NPHP4: variants seen among roughly 807,000 people sequenced by gnomAD.
The protein encoded by NPHP4 is nephrocystin-4.
In NPHP4, 151 loss-of-function variants were observed where a neutral mutation model predicts 155.8. The ratio of observed to expected loss-of-function variants is 0.97; its 90% CI spans 0.85 to 1.11. The LOEUF (loss-of-function observed/expected upper bound fraction) is 1.11, where lower values mean the gene tolerates loss of function less well. Among genes scored for constraint, NPHP4 ranks in the 50% least tolerant of loss-of-function variants. NPHP4 has a pLI of 0.00. For synonymous variants in NPHP4, 845 were observed against 816.8 expected (o/e 1.03, Z -0.59); for missense variants, 1,956 against 1,925.7 (o/e 1.02, Z -0.29).
chr1:5,951,890 C>T (rs1452316794), intron 7 of NPHP4, among the ~76,000 whole-genome samples: 1 of 152,212 alleles, frequency 6.6e-6, no homozygotes, highest in Non-Finnish European at 1.5e-5. Flanking sequence ...GCCAGAGCAT[C>T]GCTGGGACGG....
chr1:5,886,168 G>T (rs1014892149), intron 18 of NPHP4, among the ~76,000 whole-genome samples: 1 of 152,204 alleles, frequency 6.6e-6, no homozygotes, highest in South Asian at 2.1e-4. Context: ...TCCCTTAGTT[G>T]CATGAGCCTT....
Position 5,932,046 on chromosome 1 carries a change from C to A in NPHP4, c.1302+1101G>T, listed in dbSNP as rs145350166. ...CTATGATCGTGCCACGCACTCCAGC[C>A]AGGGCAACAGAGTAAGACCCTGTCT... is the stretch of plus-strand genomic sequence containing the variant. On this transcript the variant is annotated intron_variant, in intron 10 of 29. Transcript: ENST00000378156. Among the ~76,000 whole-genome samples the A allele has an allele frequency of 1.6e-4, 24 of 151,692 alleles. No individual in the cohort carries two copies. In the East Asian group the frequency reaches 4.3e-3, roughly 27 times the overall value.
At chr1:5,872,565 C>T (rs928859448) in intron 23 of NPHP4, among the ~76,000 whole-genome samples, 5 of 152,174 alleles carry the variant, frequency 3.3e-5, no homozygotes, top group Admixed American at 6.5e-5. Context: ...TGATGGGGCC[C>T]GGTGGACACA....
intron 2 of NPHP4, among the ~76,000 whole-genome samples, chr1:5,980,615 G>A (rs963765970): frequency 2.6e-5 from 4 of 152,164 alleles, no homozygotes; most frequent in African/African-American, 7.2e-5. Flanking sequence ...GGGGCAGGGA[G>A]GGTGACAGGA....
intron 5 of NPHP4, among the ~76,000 whole-genome samples, chr1:5,966,587 T>A (rs1158189888): frequency 6.6e-6 from 1 of 151,962 alleles, no homozygotes; most frequent in Non-Finnish European, 1.5e-5. Flanking sequence ...ACACATGACA[T>A]CCCCTTCGAG....
chr1:5,870,965 T>C (rs1224845220), intron 23 of NPHP4, among the ~76,000 whole-genome samples: 2 of 152,206 alleles, frequency 1.3e-5, no homozygotes, highest in African/African-American at 4.8e-5. Flanking sequence ...ATGGGGCCTG[T>C]GATGACAGAA....
At chr1:5,925,101 T>A (rs1645928998) in intron 11 of NPHP4, among the ~76,000 whole-genome samples, 1 of 152,242 alleles carries the variant, frequency 6.6e-6, no homozygotes. Context: ...CTACTGTACT[T>A]CTAAGTAACT....
intron 2 of NPHP4, among the ~76,000 whole-genome samples, chr1:5,981,519 C>A (rs1293947710): frequency 6.6e-6 from 1 of 152,096 alleles, no homozygotes; most frequent in Non-Finnish European, 1.5e-5. Context: ...ATACTAAAAT[C>A]ATTAATAAAG....
chr1:5,964,885 ATAC>A (rs1216801347), intron 5 of NPHP4, among the ~76,000 whole-genome samples: 28 of 142,102 alleles, frequency 2.0e-4, no homozygotes, highest in African/African-American at 7.0e-4. Flanking sequence ...ACATATAAAT[ATAC>A]TATATATAAA....
chr1:5,872,755 C>T (rs2100586269), intron 23 of NPHP4, among the ~76,000 whole-genome samples: 1 of 152,360 alleles, frequency 6.6e-6, no homozygotes, highest in African/African-American at 2.4e-5. Context: ...TAAAAAACAA[C>T]CTTCAGAAAC....
At chr1:5,915,698 C>T (rs949117431) in intron 11 of NPHP4, among the ~76,000 whole-genome samples, 1 of 152,106 alleles carries the variant, frequency 6.6e-6, no homozygotes, top group South Asian at 2.1e-4. Flanking sequence ...CTTGCCAGAG[C>T]CCTGAGCTGG....
chr1:5,933,437 G>A, intron 9 of NPHP4, 108 bp from the exon 10 acceptor site: 1 of 864,438 alleles, frequency 1.2e-6, no homozygotes. Flanking sequence ...GCTCAGTGTA[G>A]CAAGGGGCAG....
chr1:5,885,190 A>T (rs1165290268), intron 18 of NPHP4, among the ~76,000 whole-genome samples: 1 of 143,508 alleles, frequency 7.0e-6, no homozygotes, highest in Non-Finnish European at 1.5e-5. Context: ...TCACTGTCCA[A>T]GCTCCCAGCT....
At chr1:5,911,032 C>A (rs1024722097) in intron 11 of NPHP4, among the ~76,000 whole-genome samples, 2 of 152,370 alleles carry the variant, frequency 1.3e-5, no homozygotes, top group African/African-American at 2.4e-5. Flanking sequence ...CTCCAAGGAG[C>A]ACAAAGACTC....
chr1:5,988,970 T>A (rs1313389817), intron 1 of NPHP4, among the ~76,000 whole-genome samples: 1 of 152,192 alleles, frequency 6.6e-6, no homozygotes, highest in East Asian at 1.9e-4. Context: ...GTTTGTTCCT[T>A]TTTGTTCTCT....
At chr1:5,876,230 A>G (rs1229795626) in intron 20 of NPHP4, among the ~76,000 whole-genome samples, 2 of 78,776 alleles carry the variant, frequency 2.5e-5, no homozygotes, top group Non-Finnish European at 4.8e-5. Context: ...GCTGGGAGGG[A>G]GGGAGGAAGG....
At chr1:5,872,392 T>C (rs1243322153) in intron 23 of NPHP4, among the ~76,000 whole-genome samples, 1 of 152,192 alleles carries the variant, frequency 6.6e-6, no homozygotes, top group Non-Finnish European at 1.5e-5. Context: ...GAGGAAAACC[T>C]TCCTCCCAAC....
In NPHP4 at chr1:5,952,737, T is replaced by C. The variant is rs1335343355; in HGVS notation, c.773A>G (p.Glu258Gly). The change falls in exon 7 of 30, where the codon GAG becomes GGG. Residue 258 changes from glutamate (E) to glycine (G), a missense_variant. By Grantham distance (98) the Glu-to-Gly change is moderately conservative. Coordinates refer to ENST00000378156, the MANE Select transcript of NPHP4 (RefSeq NM_015102.5). ...GTCCTGGACGTGGAGCTCCAGCAGC[T>C]CTTCCTCAAACTTCTCCAGGGAGGG... ...LYPSLEKFEE[E>G]LLELHVQDHF... 7.7e-6 allele frequency: 12 copies of C among 1,561,914 alleles called. No individual in the cohort carries two copies. The highest frequency in any genetic ancestry group is 1.4e-5 in the African/African-American group (1 of 73,258).
At chr1:5,962,140 T>A (rs1039248238) in intron 5 of NPHP4, among the ~76,000 whole-genome samples, 191 bp from the exon 6 acceptor site, 1 of 152,220 alleles carries the variant, frequency 6.6e-6, no homozygotes, top group Non-Finnish European at 1.5e-5. Flanking sequence ...CTGGTAAAGT[T>A]ACAATTTAAA....
Sources: gnomAD v4.1 joint callset for allele counts (sites outside exome capture counted in the v4.1 genomes callset) on GRCh38, gnomAD v4.1.1 for gene constraint, MANE v1.5 for transcripts, NCBI Gene and HGNC (gene_info 2026-07-23, HGNC 2026-07-21) for gene names.